The following TUNAR variants were observed in gnomAD, a reference collection of about 807,000 sequenced individuals.
TUNAR encodes protein TUNAR.
At chr14:95,891,930 G>A (rs1051010430) in intron 2 of TUNAR, among the ~76,000 whole-genome samples, 13 of 152,196 alleles carry the variant, frequency 8.5e-5, no homozygotes, top group African/African-American at 1.9e-4. Context: ...CCTCTGCCCC[G>A]TCTTCCCATG....
intron 2 of TUNAR, among the ~76,000 whole-genome samples, chr14:95,904,308 A>G (rs891095052): frequency 3.3e-5 from 5 of 152,196 alleles, no homozygotes; most frequent in Admixed American, 6.5e-5. Flanking sequence ...ACTCTGGCAG[A>G]CAGACTGAAC....
intron 2 of TUNAR, among the ~76,000 whole-genome samples, chr14:95,922,525 G>T (rs945057582): frequency 1.3e-5 from 2 of 152,224 alleles, no homozygotes; most frequent in Non-Finnish European, 2.9e-5. Context: ...AACAAAGTGG[G>T]TGATGCCCGG....
chr14:95,893,568 C>A lies in TUNAR; in HGVS notation c.12+16391C>A, dbSNP rs185984161. Reference sequence around the variant, plus strand: ...GAGCTGCTTCTGAAAGACCATGGATCCCCCCCACCCCACTCCCCATCAAGC... The same window carrying A: ...GAGCTGCTTCTGAAAGACCATGGATACCCCCCACCCCACTCCCCATCAAGC... On this transcript the variant is annotated intron_variant, in intron 2 of 2. Coordinates refer to ENST00000678517, the Ensembl canonical transcript of TUNAR. Among the ~76,000 whole-genome samples, 556 of 147,898 alleles carry A rather than the reference C, an allele frequency of 3.8e-3. 2 individuals are homozygous for A. Among genetic ancestry groups the A allele is most frequent in the South Asian group, 0.012 (52 of 4,330 alleles).
intron 2 of TUNAR, among the ~76,000 whole-genome samples, chr14:95,890,086 A>C (rs1889151030): frequency 6.6e-6 from 1 of 152,140 alleles, no homozygotes; most frequent in Non-Finnish European, 1.5e-5. Flanking sequence ...GTCACTGCAC[A>C]CTACACCCTT....
intron 2 of TUNAR, among the ~76,000 whole-genome samples, chr14:95,890,022 G>A (rs941858372): frequency 6.6e-6 from 1 of 151,222 alleles, no homozygotes; most frequent in Admixed American, 6.6e-5. Flanking sequence ...TCCCCAAGGG[G>A]TGGGGTCTCA....
chr14:95,916,808 G>A (rs1312145531), intron 2 of TUNAR, among the ~76,000 whole-genome samples: 4 of 152,184 alleles, frequency 2.6e-5, no homozygotes, highest in Non-Finnish European at 5.9e-5. Flanking sequence ...AGATGTTTTA[G>A]TTCTTGCCAA....
intron 2 of TUNAR, among the ~76,000 whole-genome samples, chr14:95,901,982 C>T (rs1038775031): frequency 6.6e-6 from 1 of 152,010 alleles, no homozygotes; most frequent in South Asian, 2.1e-4. Context: ...GAGGAGACAG[C>T]CAGTGTAAAG....
intron 2 of TUNAR, among the ~76,000 whole-genome samples, chr14:95,886,460 C>T (rs1356291518): frequency 2.0e-5 from 3 of 152,236 alleles, no homozygotes; most frequent in Non-Finnish European, 2.9e-5. Context: ...GACAGAAAAG[C>T]ATGTTCCACA....
At chr14:95,912,291 C>T (rs1260360636) in intron 2 of TUNAR, among the ~76,000 whole-genome samples, 1 of 152,156 alleles carries the variant, frequency 6.6e-6, no homozygotes, top group African/African-American at 2.4e-5. Context: ...TCCCCATAAT[C>T]ATGTTGAATT....
intron 2 of TUNAR, 68 bp from the exon 2 acceptor site, chr14:95,922,713 G>C: frequency 2.5e-6 from 1 of 397,690 alleles, no homozygotes; most frequent in Non-Finnish European, 4.4e-6. Flanking sequence ...ACCCACTACA[G>C]ATCTGCCTGG....
At chr14:95,884,771 T>G (rs552915060) in intron 2 of TUNAR, among the ~76,000 whole-genome samples, 10 of 152,208 alleles carry the variant, frequency 6.6e-5, no homozygotes, top group African/African-American at 2.4e-4. Flanking sequence ...ACCTGCTACG[T>G]CCAAACACTG....
chr14:95,918,768 A>G (rs1053616296), intron 2 of TUNAR, among the ~76,000 whole-genome samples: 3 of 152,212 alleles, frequency 2.0e-5, no homozygotes, highest in African/African-American at 7.2e-5. Context: ...CCTCCATGAC[A>G]GGCGCTTTGT....
At chr14:95,889,935 A>G (rs948947165) in intron 2 of TUNAR, among the ~76,000 whole-genome samples, 4 of 144,588 alleles carry the variant, frequency 2.8e-5, no homozygotes, top group East Asian at 4.2e-4. Context: ...CTCCTTCCTC[A>G]TGGAATTTAG....
At chr14:95,909,864 C>T (rs1310602938) in intron 2 of TUNAR, among the ~76,000 whole-genome samples, 1 of 152,152 alleles carries the variant, frequency 6.6e-6, no homozygotes, top group Non-Finnish European at 1.5e-5. Context: ...AAGACGGGGT[C>T]CTGGGAAATG....
In TUNAR at chr14:95,895,038, A is replaced by G. The variant is rs1479099171; in HGVS notation, c.12+17861A>G. 1.3e-5 allele frequency among the ~76,000 whole-genome samples: 2 copies of G among 152,246 alleles called. No individual in the cohort carries two copies. The highest frequency in any genetic ancestry group is 2.9e-5 in the Non-Finnish European group (2 of 68,044). On this transcript the variant is annotated intron_variant, in intron 2 of 2. Coordinates refer to ENST00000678517, the Ensembl canonical transcript of TUNAR. This position sits in a 1 kb window ranked among gnomAD's most constrained non-coding sequence, Gnocchi z 4.5. The stretch of plus-strand genomic sequence containing the variant: ...CTGAGGGCACAGAAATGGCCAAGGC[A>G]GGGAGTCAAGCCAGACAGCCAGCAT...
chr14:95,904,236 G>C lies in TUNAR; in HGVS notation c.13-18545G>C, dbSNP rs200671626. Among the ~76,000 whole-genome samples, 15 of 152,284 alleles carry C rather than the reference G, an allele frequency of 9.9e-5. No individual in the cohort carries two copies. The East Asian group carries it at 1.3e-3, about 14-fold the overall frequency. The stretch of plus-strand genomic sequence containing the variant: ...GACATAGGCCATCACTGGCTCCTGT[G>C]GGGGGGCCTGGGTGGTTGGCTTAGA... On this transcript the variant is annotated intron_variant, in intron 2 of 2. Transcript: ENST00000678517.
intron 2 of TUNAR, among the ~76,000 whole-genome samples, chr14:95,910,245 G>A (rs575566255): frequency 6.5e-4 from 99 of 152,250 alleles, no homozygotes; most frequent in African/African-American, 2.1e-3. Context: ...GGCTGGGCAC[G>A]GTGGCTCACG....
chr14:95,920,855 A>G (rs1292936873), intron 2 of TUNAR, among the ~76,000 whole-genome samples: 1 of 152,156 alleles, frequency 6.6e-6, no homozygotes, highest in Non-Finnish European at 1.5e-5. Context: ...TAAGATATAT[A>G]TAGGTGTATA....
intron 2 of TUNAR, among the ~76,000 whole-genome samples, chr14:95,901,162 C>G (rs1889347082): frequency 6.6e-6 from 1 of 152,222 alleles, no homozygotes; most frequent in Admixed American, 6.5e-5. Flanking sequence ...GTGCTGTTGT[C>G]TGGCTCGGTG....
Sources: gnomAD v4.1 joint callset for allele counts (sites outside exome capture counted in the v4.1 genomes callset) on GRCh38, gnomAD v4.1.1 for gene constraint, Gnocchi (gnomAD v3.1) non-coding constraint, MANE v1.5 for transcripts, NCBI Gene and HGNC (gene_info 2026-07-23, HGNC 2026-07-21) for gene names.